Variants in NKAIN3 observed in about 807,000 individuals in gnomAD.
NKAIN3 encodes sodium/potassium-transporting ATPase subunit beta-1-interacting protein 3.
In NKAIN3, 25 loss-of-function variants were observed where a neutral mutation model predicts 30.2. The observed-to-expected ratio is 0.83, with a 90% confidence interval of 0.60 to 1.16. The LOEUF is 1.16. Ranked by LOEUF, NKAIN3 falls within the 50% of genes most tolerant of loss-of-function variation. NKAIN3 has a pLI of 0.00. For missense variants in NKAIN3, 225 were observed against 254.1 expected (o/e 0.89, Z 0.78); for synonymous variants, 91 against 89.6 (o/e 1.02, Z -0.09).
chr8:62,416,113 A>G (rs1804436825), intron 1 of NKAIN3, among the ~76,000 whole-genome samples: 1 of 151,780 alleles, frequency 6.6e-6, no homozygotes, highest in Non-Finnish European at 1.5e-5. Flanking sequence ...CTGCACCCTC[A>G]CTGCCGTGTC....
At chr8:62,519,934 C>A (rs1425032436) in intron 1 of NKAIN3, among the ~76,000 whole-genome samples, 2 of 152,140 alleles carry the variant, frequency 1.3e-5, no homozygotes, top group Non-Finnish European at 2.9e-5. Context: ...CTCCTGAGGA[C>A]TAGGAATGTG....
chr8:62,420,192 T>A (rs889008951), intron 1 of NKAIN3, among the ~76,000 whole-genome samples: 5 of 152,094 alleles, frequency 3.3e-5, no homozygotes, highest in African/African-American at 1.2e-4. Flanking sequence ...GAGAAGAGGG[T>A]AAATAAAGTA....
At chr8:62,958,292 G>A (rs1395820407) in intron 6 of NKAIN3, among the ~76,000 whole-genome samples, 4 of 152,100 alleles carry the variant, frequency 2.6e-5, no homozygotes, top group Admixed American at 6.5e-5. Flanking sequence ...TAAAGCTATC[G>A]AGATGCTTTC....
chr8:62,801,363 A>AC (rs1818056662), intron 4 of NKAIN3, among the ~76,000 whole-genome samples: 1 of 152,022 alleles, frequency 6.6e-6, no homozygotes, highest in Admixed American at 6.6e-5. Context: ...ACTGGGAGGC[A>AC]CCCCCCGATA....
At chr8:62,355,410 C>A (rs1345711465) in intron 1 of NKAIN3, among the ~76,000 whole-genome samples, 1 of 152,088 alleles carries the variant, frequency 6.6e-6, no homozygotes, top group East Asian at 1.9e-4. Flanking sequence ...GCATTGGCAT[C>A]CCAGTTTTAC....
At chr8:62,353,967 A>G (rs970938276) in intron 1 of NKAIN3, among the ~76,000 whole-genome samples, 1 of 152,336 alleles carries the variant, frequency 6.6e-6, no homozygotes, top group East Asian at 1.9e-4. Context: ...GCGAGTGTGC[A>G]TAAGGGATTT....
intron 3 of NKAIN3, among the ~76,000 whole-genome samples, chr8:62,743,783 G>A (rs1815983213): frequency 6.6e-6 from 1 of 152,108 alleles, no homozygotes; most frequent in South Asian, 2.1e-4. Flanking sequence ...CAAAAAAGTA[G>A]GACCTAATGG....
At chr8:62,351,161 A>G (rs1236464153) in intron 1 of NKAIN3, among the ~76,000 whole-genome samples, 2 of 148,544 alleles carry the variant, frequency 1.3e-5, no homozygotes, top group East Asian at 1.9e-4. Context: ...AATAGATAAT[A>G]TAGTCATCCC....
At chr8:62,407,400 T>TG (rs1215208691) in intron 1 of NKAIN3, among the ~76,000 whole-genome samples, 7 of 36,224 alleles carry the variant, frequency 1.9e-4, no homozygotes, top group Admixed American at 1.1e-3. Flanking sequence ...ACTAGATAGT[T>TG]GTTTTTTTTT....
At chr8:62,541,248 G>T (rs890741557) in intron 1 of NKAIN3, among the ~76,000 whole-genome samples, 1 of 152,086 alleles carries the variant, frequency 6.6e-6, no homozygotes, top group Non-Finnish European at 1.5e-5. Context: ...ACCTGGGAGG[G>T]GGGAGGATGC....
intron 2 of NKAIN3, among the ~76,000 whole-genome samples, chr8:62,585,263 G>A (rs966224731): frequency 2.6e-5 from 4 of 151,918 alleles, no homozygotes; most frequent in Non-Finnish European, 5.9e-5. Flanking sequence ...GAGGCCTCTC[G>A]GCAAAGACTA....
intron 3 of NKAIN3, among the ~76,000 whole-genome samples, chr8:62,650,333 T>C (rs1351472170): frequency 6.6e-6 from 1 of 152,160 alleles, no homozygotes; most frequent in African/African-American, 2.4e-5. Flanking sequence ...CTCTAATTGG[T>C]CTTGGTGCCT....
intron 1 of NKAIN3, among the ~76,000 whole-genome samples, chr8:62,518,814 G>A (rs911787731): frequency 6.6e-6 from 1 of 152,040 alleles, no homozygotes; most frequent in African/African-American, 2.4e-5. Flanking sequence ...GACAGCATAA[G>A]GAAACAAATT....
chr8:62,822,645 A>G (rs1818883814), intron 4 of NKAIN3, among the ~76,000 whole-genome samples: 1 of 152,178 alleles, frequency 6.6e-6, no homozygotes, highest in African/African-American at 2.4e-5. Flanking sequence ...TATACTTGTC[A>G]TTCTTGGGCT....
chr8:62,307,398 G>T (rs1304475608), intron 1 of NKAIN3, among the ~76,000 whole-genome samples: 1 of 148,132 alleles, frequency 6.8e-6, no homozygotes, highest in East Asian at 2.0e-4. Context: ...CCCCTCCTCT[G>T]TCCCTATCTC....
chr8:62,665,075 G>A (rs1309738625), intron 3 of NKAIN3, among the ~76,000 whole-genome samples: 1 of 152,122 alleles, frequency 6.6e-6, no homozygotes, highest in Non-Finnish European at 1.5e-5. Context: ...GGAAGTTACT[G>A]GAAATGCAGA....
intron 4 of NKAIN3, among the ~76,000 whole-genome samples, chr8:62,796,373 GA>G (rs1208115719): frequency 2.1e-5 from 2 of 97,420 alleles, no homozygotes; most frequent in African/African-American, 8.0e-5. Context: ...AACAAAGTGA[GA>G]CTCTGTCTCA....
intron 3 of NKAIN3, among the ~76,000 whole-genome samples, chr8:62,662,860 CT>C (rs1465337310): frequency 1.3e-5 from 2 of 152,158 alleles, no homozygotes; most frequent in East Asian, 3.8e-4. Context: ...AAGCATATAT[CT>C]ATGACACAAG....
chr8:62,802,502 T>C (rs867190933), intron 4 of NKAIN3, among the ~76,000 whole-genome samples: 3 of 152,144 alleles, frequency 2.0e-5, no homozygotes, highest in African/African-American at 7.2e-5. Flanking sequence ...GAATTTCATA[T>C]CCAGCCAAAC....
Sources: gnomAD v4.1 joint callset for allele counts (sites outside exome capture counted in the v4.1 genomes callset) on GRCh38, gnomAD v4.1.1 for gene constraint, MANE v1.5 for transcripts, NCBI Gene and HGNC (gene_info 2026-07-23, HGNC 2026-07-21) for gene names.